SLC44A1: variants seen among roughly 807,000 people sequenced by gnomAD.
SLC44A1 encodes the protein choline transporter-like protein 1.
SLC44A1 carries 26 observed loss-of-function variants against 79.3 expected under a neutral mutation model. The observed-to-expected ratio is 0.33, with a 90% confidence interval of 0.24 to 0.46. The LOEUF (loss-of-function observed/expected upper bound fraction) is 0.46. SLC44A1 is among the 20% of genes least tolerant of loss of function. The pLI is 1.00. For missense variants in SLC44A1, 688 were observed against 798.1 expected, an observed-to-expected ratio of 0.86 and a Z score of 1.66; for synonymous variants, 263 against 286.2, an observed-to-expected ratio of 0.92 and a Z score of 0.82.
chr9:105,321,814 T>TA (rs748787290), intron 3 of SLC44A1, among the ~76,000 whole-genome samples: 19,024 of 143,722 alleles, frequency 0.13, 1,378 homozygotes, highest in Non-Finnish European at 0.18. Context: ...GTATTTTAAT[T>TA]AAAAAAAAAA....
rs1354091697 is a variant in SLC44A1, at chr9:105,351,588, G to GAGAGAA, written c.500+3147_500+3152dup. On this transcript the variant is annotated intron_variant, in intron 5 of 15. Coordinates refer to ENST00000374720, the MANE Select transcript of SLC44A1 (RefSeq NM_080546.5). The stretch of plus-strand genomic sequence containing the variant: ...AGAGAGAAAGAGAGAAAGAGAGAAA[G>GAGAGAA]AGAGAAAGAGAAAGAAAGAAAGAAA... 7.3e-4 allele frequency among the ~76,000 whole-genome samples: 91 copies of GAGAGAA among 124,588 alleles called. 4 individuals are homozygous for GAGAGAA. The highest frequency in any genetic ancestry group is 4.0e-3 in the Middle Eastern group (1 of 250). 81.7% of individuals were successfully genotyped at this position (124,588 alleles called of 152,430 possible).
intron 6 of SLC44A1, among the ~76,000 whole-genome samples, chr9:105,356,927 A>AT (rs1484047051): frequency 6.6e-6 from 1 of 152,156 alleles, no homozygotes; most frequent in Non-Finnish European, 1.5e-5. Context: ...CAAAAATGTT[A>AT]TTTTCAAGAT....
At position 105,276,340 on chromosome 9, in the gene SLC44A1, C is replaced by T. The variant is rs149656317; in HGVS notation, c.37-22880C>T. Among the ~76,000 whole-genome samples, 17 of 152,240 alleles carry T rather than the reference C, an allele frequency of 1.1e-4. No individual in the cohort carries two copies. The East Asian group carries it at 3.3e-3, about 29-fold the overall frequency. Reference sequence around the variant, plus strand: ...GAGTCACAATCTCAATCTGTCACTGCTTTCATCATGTCATGCAGTGAACCT... The same window carrying T: ...GAGTCACAATCTCAATCTGTCACTGTTTTCATCATGTCATGCAGTGAACCT... On this transcript the variant is annotated intron_variant, in intron 1 of 15. Transcript: ENST00000374720.
rs575334268 is a variant in SLC44A1 at position 105,258,774 on chromosome 9, A to G, written c.36+13870A>G. On this transcript the variant is annotated intron_variant, in intron 1 of 15. Transcript: ENST00000374720. ...GCAGTCTTGGCTCACTGCAACCCCT[A>G]CCTCCCGGATTCAAGGGATTCTCAT... is the stretch of plus-strand genomic sequence containing the variant. Among the ~76,000 whole-genome samples, 63 of 151,268 alleles carry G rather than the reference A, an allele frequency of 4.2e-4. 1 individual carries two copies. The South Asian group carries it at 0.013, about 32-fold the overall frequency.
chr9:105,258,779 C>T (rs1294469184), intron 1 of SLC44A1, among the ~76,000 whole-genome samples: 1 of 152,142 alleles, frequency 6.6e-6, no homozygotes, highest in African/African-American at 2.4e-5. Flanking sequence ...CCCCTACCTC[C>T]CGGATTCAAG....
chr9:105,365,667 T>G, intron 11 of SLC44A1, 28 bp downstream of exon 11: 1 of 1,599,840 alleles, frequency 6.3e-7, no homozygotes, highest in Admixed American at 1.7e-5. Context: ...TTCTGTACTT[T>G]CTGTGGGCAC....
At chr9:105,319,979 C>T (rs1035074819) in intron 3 of SLC44A1, among the ~76,000 whole-genome samples, 31 of 152,294 alleles carry the variant, frequency 2.0e-4, no homozygotes, top group African/African-American at 7.2e-4. Flanking sequence ...ACTTCTTTTG[C>T]TCTTAGAAAA....
chr9:105,395,468 C>A lies in SLC44A1; in HGVS notation c.*6412C>A. ...TCCTGACCTCAGGTGATCCACCCGC[C>A]TCAGCCTCCCAAAGTGCTGGGATTA... is the stretch of plus-strand genomic sequence containing the variant. On this transcript the variant is annotated 3_prime_UTR_variant, in exon 16 of 16. Transcript: ENST00000374720. 1.2e-6 allele frequency: 1 copy of A among 833,246 alleles called. No homozygotes were observed. The highest frequency in any genetic ancestry group is 6.1e-4 in the Middle Eastern group (1 of 1,628). The allele number at this position is 833,246 out of a possible 1,614,324, so 51.6% of individuals were successfully genotyped here. A position where few individuals can be genotyped will look rare whatever the true frequency, so the allele number is the denominator to read the frequency against.
chr9:105,404,313 G>A (rs112953946), intron 15 of SLC44A1, among the ~76,000 whole-genome samples: 20 of 151,762 alleles, frequency 1.3e-4, no homozygotes, highest in East Asian at 3.9e-4. Flanking sequence ...CATCAAAAAC[G>A]GATGATTGGT....
chr9:105,350,890 T>G (rs1200513065), intron 5 of SLC44A1, among the ~76,000 whole-genome samples: 1 of 152,198 alleles, frequency 6.6e-6, no homozygotes, highest in East Asian at 1.9e-4. Context: ...AGCACCTGTT[T>G]TAGAGAAAAG....
At chr9:105,256,138 G>A (rs752715811) in intron 1 of SLC44A1, among the ~76,000 whole-genome samples, 24 of 151,694 alleles carry the variant, frequency 1.6e-4, no homozygotes, top group African/African-American at 5.6e-4. Context: ...TCAGCCTCCC[G>A]AGTAGCTGGG....
At chr9:105,370,185 G>T (rs1265668005) in intron 12 of SLC44A1, among the ~76,000 whole-genome samples, 1 of 152,190 alleles carries the variant, frequency 6.6e-6, no homozygotes, top group Non-Finnish European at 1.5e-5. Flanking sequence ...AAAGGACTCC[G>T]AAATTCTTAA....
chr9:105,256,219 C>T (rs780319112), intron 1 of SLC44A1, among the ~76,000 whole-genome samples: 1 of 151,870 alleles, frequency 6.6e-6, no homozygotes, highest in Non-Finnish European at 1.5e-5. Context: ...GCCATGTTGC[C>T]CAGGCTGGTC....
chr9:105,369,392 C>G (rs984127656), intron 12 of SLC44A1, among the ~76,000 whole-genome samples: 1 of 152,116 alleles, frequency 6.6e-6, no homozygotes, highest in Non-Finnish European at 1.5e-5. Flanking sequence ...GTGGAAGAGA[C>G]AAAACAGCTC....
At chr9:105,267,288 C>T (rs1456985383) in intron 1 of SLC44A1, among the ~76,000 whole-genome samples, 1 of 152,154 alleles carries the variant, frequency 6.6e-6, no homozygotes, top group African/African-American at 2.4e-5. Context: ...CTCTCTCAAA[C>T]CTTTTAGGAT....
intron 1 of SLC44A1, among the ~76,000 whole-genome samples, chr9:105,276,777 C>T (rs1830216835): frequency 6.6e-6 from 1 of 152,078 alleles, no homozygotes; most frequent in African/African-American, 2.4e-5. Context: ...TCAAGAAAAC[C>T]AGAGTGGTCT....
chr9:105,403,904 G>A (rs1245068791), intron 15 of SLC44A1, among the ~76,000 whole-genome samples: 1 of 151,540 alleles, frequency 6.6e-6, no homozygotes, highest in African/African-American at 2.4e-5. Flanking sequence ...CCACCCTAAC[G>A]GTCTTGATTT....
At chr9:105,287,816 A>T (rs1443698779) in intron 1 of SLC44A1, among the ~76,000 whole-genome samples, 1 of 152,176 alleles carries the variant, frequency 6.6e-6, no homozygotes, top group Non-Finnish European at 1.5e-5. Context: ...TCTTGCTCCT[A>T]CCTGGGTCAT....
intron 1 of SLC44A1, among the ~76,000 whole-genome samples, chr9:105,266,572 T>A (rs892258446): frequency 6.6e-6 from 1 of 152,222 alleles, no homozygotes; most frequent in African/African-American, 2.4e-5. Flanking sequence ...AAGACTATGT[T>A]TTCCATTGAA....
Sources: allele counts gnomAD v4.1 joint callset (sites outside exome capture counted in the v4.1 genomes callset), GRCh38; gene constraint gnomAD v4.1.1; transcripts MANE v1.5; gene names NCBI Gene and HGNC (gene_info 2026-07-23, HGNC 2026-07-21).